Variants in DYNC2I1 observed in about 807,000 individuals in gnomAD.
DYNC2I1 encodes cytoplasmic dynein 2 intermediate chain 1.
DYNC2I1 carries 89 observed loss-of-function variants against 133.4 expected under a neutral mutation model. The observed-to-expected ratio is 0.67, with a 90% CI of 0.56 to 0.80. DYNC2I1 has a LOEUF of 0.80. Among genes scored for constraint, DYNC2I1 ranks in the 30% least tolerant of loss-of-function variants. The pLI, the probability that DYNC2I1 is intolerant of heterozygous loss-of-function variation, is 0.00. For missense variants in DYNC2I1, 1,291 were observed against 1,314.5 expected, an observed-to-expected ratio of 0.98 and a Z score of 0.28; for synonymous variants, 504 against 484.3, an observed-to-expected ratio of 1.04 and a Z score of -0.54.
In DYNC2I1 at chr7:158,919,319, T is replaced by TA. The variant is rs577160225; in HGVS notation, c.1921+451dup. On this transcript the variant is annotated intron_variant, in intron 15 of 24. Coordinates refer to ENST00000407559, the MANE Select transcript of DYNC2I1 (RefSeq NM_018051.5). The stretch of plus-strand genomic sequence containing the variant: ...GCTTAACATTTAGTGTAGATAGACT[T>TA]AGATTTTTAGGTCAATCCGTGGTTA... 6.0e-4 allele frequency among the ~76,000 whole-genome samples: 92 copies of TA among 152,302 alleles called. No homozygotes were observed. In the South Asian group the frequency reaches 0.011, roughly 18 times the overall value.
chr7:158,899,925 C>A (rs1044554863), intron 8 of DYNC2I1, among the ~76,000 whole-genome samples: 2 of 152,120 alleles, frequency 1.3e-5, no homozygotes, highest in African/African-American at 4.8e-5. Context: ...ATGTTGCTTG[C>A]AAGACAGGTC....
At chr7:158,890,930 T>C (rs535754784) in intron 7 of DYNC2I1, among the ~76,000 whole-genome samples, 1 of 152,214 alleles carries the variant, frequency 6.6e-6, no homozygotes, top group Non-Finnish European at 1.5e-5. Flanking sequence ...AAGGTGACAT[T>C]TGCAAGGCTT....
intron 8 of DYNC2I1, among the ~76,000 whole-genome samples, chr7:158,897,964 C>G (rs1374348498): frequency 6.6e-6 from 1 of 152,130 alleles, no homozygotes; most frequent in African/African-American, 2.4e-5. Flanking sequence ...GTTCAAAATG[C>G]TTTTACATTT....
chr7:158,928,543 G>A (rs115336748), intron 20 of DYNC2I1, among the ~76,000 whole-genome samples: 12 of 152,266 alleles, frequency 7.9e-5, no homozygotes, highest in African/African-American at 2.9e-4. Flanking sequence ...TAAGACAGTC[G>A]TGGTGCTCAT....
At chr7:158,876,829 T>C in intron 4 of DYNC2I1, 138 bp downstream of exon 4, 1 of 1,116,866 alleles carries the variant, frequency 9.0e-7, no homozygotes, top group Non-Finnish European at 1.2e-6. Context: ...CAGCACTGTG[T>C]ATAGTCAGTT....
At chr7:158,855,949 T>C (rs1841202105), upstream of DYNC2I1, among the ~76,000 whole-genome samples, 1 of 147,390 alleles carries the variant, frequency 6.8e-6, no homozygotes, top group Admixed American at 6.7e-5. Flanking sequence ...CTTTTTTTTT[T>C]TTTTTTTTTT....
the DYNC2I1 span, among the ~76,000 whole-genome samples, chr7:158,845,674 CATAGACT>C: frequency 6.6e-6 from 1 of 152,136 alleles, no homozygotes; most frequent in Non-Finnish European, 1.5e-5. Flanking sequence ...GCCTGCAATT[CATAGACT>C]ATAAAGATGG....
Position 158,934,408 on chromosome 7 carries a change from T to A in DYNC2I1, c.2647-10T>A, listed in dbSNP as rs1471298923. On this transcript the variant is annotated splice_polypyrimidine_tract_variant and intron_variant, in intron 22 of 24. Coordinates refer to ENST00000407559, the MANE Select transcript of DYNC2I1 (RefSeq NM_018051.5). ...ACTCGTTCAGTCACTCTTGGGCTTC[T>A]TCTTCACAGGGTCTCATAAGCCATG... 6.2e-7 allele frequency: 1 copy of A among 1,605,130 alleles called. No homozygotes were observed. The highest frequency in any genetic ancestry group is 1.1e-5 in the South Asian group (1 of 88,638).
chr7:158,873,000 A>AT (rs1843015682), intron 3 of DYNC2I1, among the ~76,000 whole-genome samples: 1 of 151,900 alleles, frequency 6.6e-6, no homozygotes, highest in Non-Finnish European at 1.5e-5. Flanking sequence ...AAAAAAAAAA[A>AT]CCCAAAAAAC....
upstream of DYNC2I1, among the ~76,000 whole-genome samples, chr7:158,853,569 T>C (rs1841101347): frequency 6.6e-6 from 1 of 151,942 alleles, no homozygotes; most frequent in Non-Finnish European, 1.5e-5. Context: ...TGCCGGCTGC[T>C]CAGACAGAGA....
downstream of DYNC2I1, among the ~76,000 whole-genome samples, chr7:158,947,662 T>G (rs1319082301): frequency 6.6e-6 from 1 of 152,174 alleles, no homozygotes; most frequent in Non-Finnish European, 1.5e-5. Flanking sequence ...GGGAGGACCA[T>G]CTGCAGCTCA....
At chr7:158,878,996 C>G (rs1486766478) in intron 4 of DYNC2I1, among the ~76,000 whole-genome samples, 3 of 147,824 alleles carry the variant, frequency 2.0e-5, no homozygotes, top group Non-Finnish European at 4.5e-5. Flanking sequence ...GTGGGGAGGC[C>G]AGGAGGGCCG....
intron 8 of DYNC2I1, among the ~76,000 whole-genome samples, chr7:158,891,769 T>G (rs1213914429): frequency 6.6e-6 from 1 of 152,204 alleles, no homozygotes; most frequent in Admixed American, 6.5e-5. Flanking sequence ...AGGCCATGGT[T>G]GCTGAGAATT....
Position 158,915,123 on chromosome 7 carries a change from T to C in DYNC2I1, c.1791+802T>C, listed in dbSNP as rs1436361263. On this transcript the variant is annotated intron_variant, in intron 14 of 24. Coordinates refer to ENST00000407559, the MANE Select transcript of DYNC2I1 (RefSeq NM_018051.5). ...GACATTAAGGATGATTGTAAAACCT[T>C]GACACGCTGGTTGAGATTAAGGATG... 2.6e-3 allele frequency among the ~76,000 whole-genome samples: 371 copies of C among 142,232 alleles called. 5 individuals are homozygous for C. Among genetic ancestry groups the C allele is most frequent in the African/African-American group, 8.2e-3 (313 of 38,232 alleles). The allele number at this position is 142,232 out of a possible 152,430, so 93.3% of individuals were successfully genotyped here.
chr7:158,845,997 T>C, the DYNC2I1 span, among the ~76,000 whole-genome samples: 1 of 152,158 alleles, frequency 6.6e-6, no homozygotes, highest in Non-Finnish European at 1.5e-5. Context: ...TGGTGGCTTA[T>C]GCCTGTATTT....
intron 9 of DYNC2I1, 142 bp from the exon 10 acceptor site, chr7:158,902,234 C>T (rs928894475): frequency 2.8e-6 from 2 of 702,326 alleles, no homozygotes; most frequent in African/African-American, 3.6e-5. Flanking sequence ...ACATTAAAAT[C>T]AGGGAACTAT....
intron 21 of DYNC2I1, among the ~76,000 whole-genome samples, chr7:158,930,751 C>T (rs1850141354): frequency 1.3e-5 from 2 of 152,174 alleles, no homozygotes; most frequent in South Asian, 2.1e-4. Flanking sequence ...TTGCTGCAAA[C>T]TCTGCCTCCC....
chr7:158,885,042 G>C (rs1392060178), intron 6 of DYNC2I1, among the ~76,000 whole-genome samples: 1 of 152,220 alleles, frequency 6.6e-6, no homozygotes, highest in East Asian at 1.9e-4. Flanking sequence ...AAGCAAATCC[G>C]CAGGTGGGCA....
chr7:158,898,667 A>T (rs1399359052), intron 8 of DYNC2I1, among the ~76,000 whole-genome samples: 1 of 152,160 alleles, frequency 6.6e-6, no homozygotes, highest in African/African-American at 2.4e-5. Flanking sequence ...CTGTCTTGTG[A>T]TTGGTACATT....
Sources: gnomAD v4.1 joint callset for allele counts (sites outside exome capture counted in the v4.1 genomes callset) on GRCh38, gnomAD v4.1.1 for gene constraint, MANE v1.5 for transcripts, NCBI Gene and HGNC (gene_info 2026-07-23, HGNC 2026-07-21) for gene names.